EPHA8: variants seen among roughly 807,000 people sequenced by gnomAD.
The protein encoded by EPHA8 is ephrin type-A receptor 8.
EPHA8 carries 58 observed loss-of-function variants against 103.6 expected under a neutral mutation model. That is an observed-to-expected ratio of 0.56 (90% CI 0.45 to 0.70). The LOEUF (loss-of-function observed/expected upper bound fraction) is 0.70. Among genes scored for constraint, EPHA8 ranks in the 30% least tolerant of loss-of-function variants. EPHA8 has a pLI of 0.00. For missense variants in EPHA8, 1,304 were observed against 1,395.2 expected, an observed-to-expected ratio of 0.93 and a Z score of 1.04; for synonymous variants, 559 against 572.5, an observed-to-expected ratio of 0.98 and a Z score of 0.34.
chr1:22,592,036 C>G (rs1384023150), intron 5 of EPHA8, among the ~76,000 whole-genome samples: 1 of 152,198 alleles, frequency 6.6e-6, no homozygotes, highest in Admixed American at 6.5e-5. Context: ...CGGCTCCTAG[C>G]CCCGTGCCCA....
chr1:22,567,042 G>A lies in EPHA8; in HGVS notation c.95-2247G>A, dbSNP rs1048107382. On this transcript the variant is annotated intron_variant, in intron 1 of 16. Coordinates refer to ENST00000166244, the MANE Select transcript of EPHA8 (RefSeq NM_020526.5). The surrounding 1 kb of genome is among the most constrained non-coding windows in gnomAD (Gnocchi z 4.2). Reference sequence around the variant, plus strand: ...CTGGCTGGTTGATCAAGAATCAGCTGCAGATACGGTGGGGCTTCCCCCAGG... The same window carrying A: ...CTGGCTGGTTGATCAAGAATCAGCTACAGATACGGTGGGGCTTCCCCCAGG... 6.6e-6 allele frequency among the ~76,000 whole-genome samples: 1 copy of A among 152,210 alleles called. No individual in the cohort carries two copies. Among genetic ancestry groups the A allele is most frequent in the African/African-American group, 2.4e-5 (1 of 41,458 alleles).
chr1:22,577,990 C>CGTATGTATGCATGTGTGCGTGAATGT (rs765297915), intron 3 of EPHA8, among the ~76,000 whole-genome samples: 2 of 164 alleles, frequency 0.012, 1 homozygote, highest in Non-Finnish European at 0.022. Context: ...TGCATGTGTG[C>CGTATGTATGCATGTGTGCGTGAATGT]ATGTACACCT....
chr1:22,589,528 G>C lies in EPHA8; in HGVS notation c.1315+322G>C, dbSNP rs982763963. ...ATGGGAATAATAGTACCTGCCTGAG[G>C]TCCTCTCAGGAGGCTTAAATGAGAG... On this transcript the variant is annotated intron_variant, in intron 5 of 16. Coordinates refer to ENST00000166244, the MANE Select transcript of EPHA8 (RefSeq NM_020526.5). This position sits in a 1 kb window ranked among gnomAD's most constrained non-coding sequence, Gnocchi z 4.3. 16 of 1,386,514 alleles carry C rather than the reference G, an allele frequency of 1.2e-5. No individual in the cohort carries two copies. In the Admixed American group the frequency reaches 5.1e-4, roughly 44 times the overall value. The allele number at this position is 1,386,514 out of a possible 1,614,324, so 85.9% of individuals were successfully genotyped here.
intron 3 of EPHA8, among the ~76,000 whole-genome samples, chr1:22,585,042 T>C (rs879488318): frequency 1.6e-3 from 195 of 118,844 alleles, no homozygotes; most frequent in Middle Eastern, 3.7e-3. Flanking sequence ...TGTGTGTGTG[T>C]GTGTGTGTGC....
intron 4 of EPHA8, 39 bp from the exon 5 acceptor site, chr1:22,588,832 T>C (rs773492924): frequency 6.5e-7 from 1 of 1,537,048 alleles, no homozygotes; most frequent in Admixed American, 1.8e-5. Flanking sequence ...ACAGCCCAAA[T>C]AAATAACCAC....
chr1:22,580,695 G>A (rs1437679788), intron 3 of EPHA8, among the ~76,000 whole-genome samples: 2 of 152,212 alleles, frequency 1.3e-5, no homozygotes, highest in South Asian at 2.1e-4. Flanking sequence ...AGCTCATAGC[G>A]GGGCGCATCA....
Position 22,600,872 on chromosome 1 carries a change from C to A in EPHA8, c.2539-26C>A, listed in dbSNP as rs756481516. On this transcript the variant is annotated intron_variant, in intron 14 of 16. Coordinates refer to ENST00000166244, the MANE Select transcript of EPHA8 (RefSeq NM_020526.5). ...AGCCTCAGGGTGCAGGGAGGGACGG[C>A]TGAGCCCAGCGCTGATCCCCTGCAG... is the stretch of plus-strand genomic sequence containing the variant. The A allele has an allele frequency of 1.9e-6, 3 of 1,589,634 alleles. No individual in the cohort carries two copies. In the South Asian group the frequency reaches 3.4e-5, roughly 18 times the overall value.
rs1263527874 is a variant in EPHA8, at chr1:22,589,571, C to T, written c.1315+365C>T. On this transcript the variant is annotated intron_variant, in intron 5 of 16. Transcript: ENST00000166244. This position sits in a 1 kb window ranked among gnomAD's most constrained non-coding sequence, Gnocchi z 4.3. Reference sequence around the variant, plus strand: ...AATGAGAGGAATGAAATTGCTTAGCCCAGCACCTGGCCCGTGGTAAATGCT... The same window carrying T: ...AATGAGAGGAATGAAATTGCTTAGCTCAGCACCTGGCCCGTGGTAAATGCT... 1 of 1,335,378 alleles carries T rather than the reference C, an allele frequency of 7.5e-7. No individual in the cohort carries two copies. Among genetic ancestry groups the T allele is most frequent in the Non-Finnish European group, 9.5e-7 (1 of 1,048,016 alleles). 82.7% of individuals were successfully genotyped at this position (1,335,378 alleles called of 1,614,324 possible).
chr1:22,591,712 C>T (rs574362762), intron 5 of EPHA8, among the ~76,000 whole-genome samples: 3 of 152,292 alleles, frequency 2.0e-5, no homozygotes, highest in African/African-American at 7.2e-5. Flanking sequence ...TGATGGTCTC[C>T]GGTGCCCCCT....
In EPHA8 at chr1:22,595,233, C is replaced by A. The variant is rs946665358; in HGVS notation, c.1607C>A (p.Pro536His). The change falls in exon 8 of 17, where the codon CCC becomes CAC. Residue 536 changes from proline (P) to histidine (H), a missense_variant. By Grantham distance (77) the Pro-to-His change is moderately conservative. Coordinates refer to ENST00000166244, the MANE Select transcript of EPHA8 (RefSeq NM_020526.5). ...AMEVETGKPR[P>H]RYDTRTIVWI... is the part of the protein sequence containing the mutation. ...CAACCCTGGCTTTCCCCTGCAGGGC[C>A]CCGCTATGACACCAGGACCATTGTC... The A allele has an allele frequency of 3.7e-6, 6 of 1,609,034 alleles. No individual in the cohort carries two copies. Among genetic ancestry groups the A allele is most frequent in the Non-Finnish European group, 5.1e-6 (6 of 1,176,554 alleles).
chr1:22,595,467 A>C, intron 8 of EPHA8, 144 bp downstream of exon 8: 1 of 613,370 alleles, frequency 1.6e-6, no homozygotes, highest in Non-Finnish European at 2.9e-6. Context: ...ACCTAGTGAC[A>C]TGCCAGTGAT....
chr1:22,587,917 G>A (rs955553015), intron 4 of EPHA8, among the ~76,000 whole-genome samples: 13 of 152,178 alleles, frequency 8.5e-5, no homozygotes, highest in Non-Finnish European at 1.6e-4. Flanking sequence ...CAGAAAAGGT[G>A]GCCAGGTGAC....
At chr1:22,578,057 ATGTG>A (rs1240354477) in intron 3 of EPHA8, among the ~76,000 whole-genome samples, 1 of 27,992 alleles carries the variant, frequency 3.6e-5, no homozygotes, top group South Asian at 9.7e-4. Context: ...ATGTGTGTGC[ATGTG>A]TGCATGAGTA....
chr1:22,574,655 G>A (rs1283807460), intron 2 of EPHA8, among the ~76,000 whole-genome samples: 5 of 152,148 alleles, frequency 3.3e-5, no homozygotes, highest in Non-Finnish European at 5.9e-5. Flanking sequence ...CTCCGTTGTA[G>A]GTATATGCCA....
intron 13 of EPHA8, among the ~76,000 whole-genome samples, chr1:22,599,656 AAAGGAGGGAGGGAG>A (rs1641629306): frequency 2.0e-5 from 1 of 50,926 alleles, no homozygotes; most frequent in African/African-American, 1.4e-4. Flanking sequence ...GGAAGGAAGG[AAAGGAGGGAGGGAG>A]GAAGGAGGGA....
At chr1:22,594,970 A>C (rs11801773) in intron 7 of EPHA8, among the ~76,000 whole-genome samples, 12,841 of 152,232 alleles carry the variant, frequency 0.084, 946 homozygotes, top group African/African-American at 0.2. Flanking sequence ...CTTCTCCGGT[A>C]CCACAGCCAC....
chr1:22,565,094 T>A (rs1312177551), intron 1 of EPHA8, among the ~76,000 whole-genome samples: 1 of 152,166 alleles, frequency 6.6e-6, no homozygotes, highest in African/African-American at 2.4e-5. Context: ...CCAGTATGCA[T>A]GAGCACAAAC....
At chr1:22,592,833 G>A (rs555109533) in intron 5 of EPHA8, among the ~76,000 whole-genome samples, 41 of 130,812 alleles carry the variant, frequency 3.1e-4, no homozygotes, top group Non-Finnish European at 5.0e-4. Context: ...CATGGGTGAC[G>A]CCGTCAAGGA....
Position 22,576,142 on chromosome 1 carries a change from C to T in EPHA8, c.160-75C>T. On this transcript the variant is annotated intron_variant, in intron 2 of 16. Coordinates refer to ENST00000166244, the MANE Select transcript of EPHA8 (RefSeq NM_020526.5). This position sits in a 1 kb window ranked among gnomAD's most constrained non-coding sequence, Gnocchi z 4.8. ...TTTTTTTTTGCCAGCGTCCCCAGCA[C>T]AGAACACAGGGTCATTGGCAAAAGA... 1 of 1,502,920 alleles carries T rather than the reference C, an allele frequency of 6.7e-7. No homozygotes were observed. Among genetic ancestry groups the T allele is most frequent in the Non-Finnish European group, 9.0e-7 (1 of 1,116,500 alleles). 93.1% of individuals were successfully genotyped at this position (1,502,920 alleles called of 1,614,324 possible).
Sources: gnomAD v4.1 joint callset for allele counts (sites outside exome capture counted in the v4.1 genomes callset) on GRCh38, gnomAD v4.1.1 for gene constraint, Gnocchi (gnomAD v3.1) non-coding constraint, MANE v1.5 for transcripts, NCBI Gene and HGNC (gene_info 2026-07-23, HGNC 2026-07-21) for gene names.